The following OR1J2 variants were observed in gnomAD, a reference collection of about 807,000 sequenced individuals.
OR1J2 encodes the protein olfactory receptor 1J2.
For synonymous variants in OR1J2, 142 were observed against 99.7 expected, an observed-to-expected ratio of 1.42 and a Z score of -2.52; for missense variants, 304 against 246.1, an observed-to-expected ratio of 1.24 and a Z score of -1.57.
chr9:122,544,094 T>C, the OR1J2 span, among the ~76,000 whole-genome samples: 1 of 152,206 alleles, frequency 6.6e-6, no homozygotes, highest in East Asian at 1.9e-4. Context: ...AATGTATGCA[T>C]AGATCAAAAC....
chr9:122,458,378 AT>A, the OR1J2 span, among the ~76,000 whole-genome samples: 4 of 152,086 alleles, frequency 2.6e-5, no homozygotes, highest in African/African-American at 9.7e-5. Context: ...ATTTATTTTG[AT>A]GGGTTCAAAA....
the OR1J2 span, among the ~76,000 whole-genome samples, chr9:122,535,268 C>A: frequency 6.6e-6 from 1 of 151,992 alleles, no homozygotes; most frequent in Admixed American, 6.6e-5. Flanking sequence ...GGGGTTCCTG[C>A]CCCTCCCCCA....
chr9:122,526,913 G>A, the OR1J2 span: 29 of 1,614,170 alleles, frequency 1.8e-5, 1 homozygote, highest in South Asian at 3.3e-5. Context: ...AGTAGCAGAG[G>A]GGGTGGCAAA....
chr9:122,476,985 G>C, the OR1J2 span: 1 of 1,544,084 alleles, frequency 6.5e-7, no homozygotes, highest in Middle Eastern at 1.7e-4. Flanking sequence ...TGAGATTACA[G>C]GCATGAGCCA....
the OR1J2 span, chr9:122,526,608 C>T: frequency 1.3e-3 from 2,023 of 1,614,116 alleles, 4 homozygotes; most frequent in Non-Finnish European, 1.4e-3. Context: ...CACCCCACCA[C>T]GGGTTCGGAC....
At chr9:122,552,797 T>TGTGTGTGTGTGTGTGTGTGTGTG in the OR1J2 span, among the ~76,000 whole-genome samples, 2 of 135,296 alleles carry the variant, frequency 1.5e-5, no homozygotes, top group Admixed American at 7.6e-5. Context: ...TGTGTGTGTG[T>TGTGTGTGTGTGTGTGTGTGTGTG]TGGAGGAGGG....
the OR1J2 span, among the ~76,000 whole-genome samples, chr9:122,525,082 C>T: frequency 6.6e-6 from 1 of 152,178 alleles, no homozygotes; most frequent in Admixed American, 6.5e-5. Flanking sequence ...TCCAAGTTTG[C>T]AACCATCTCC....
the OR1J2 span, chr9:122,519,924 C>G: frequency 4.3e-6 from 7 of 1,614,138 alleles, no homozygotes; most frequent in South Asian, 7.7e-5. Flanking sequence ...GTATTTTCTC[C>G]CCTCATCCAG....
the OR1J2 span, among the ~76,000 whole-genome samples, chr9:122,459,512 G>C: frequency 6.6e-6 from 1 of 152,164 alleles, no homozygotes; most frequent in Non-Finnish European, 1.5e-5. Context: ...TCTGAAACCA[G>C]TGAACTCTGT....
the OR1J2 span, among the ~76,000 whole-genome samples, chr9:122,501,971 G>A: frequency 1.3e-5 from 2 of 152,180 alleles, no homozygotes; most frequent in South Asian, 4.2e-4. Flanking sequence ...CCACCCTGCA[G>A]GTGAGTGAGC....
the OR1J2 span, among the ~76,000 whole-genome samples, chr9:122,529,649 C>T: frequency 6.6e-6 from 1 of 152,214 alleles, no homozygotes; most frequent in Non-Finnish European, 1.5e-5. Context: ...TCTCATCCTT[C>T]ATCCTATCTA....
chr9:122,574,698 T>G, the OR1J2 span, among the ~76,000 whole-genome samples: 1 of 152,154 alleles, frequency 6.6e-6, no homozygotes, highest in Non-Finnish European at 1.5e-5. Flanking sequence ...CTTGTCTTAT[T>G]GCATTAGGTA....
At chr9:122,460,446 T>C in the OR1J2 span, among the ~76,000 whole-genome samples, 2 of 152,040 alleles carry the variant, frequency 1.3e-5, no homozygotes, top group African/African-American at 4.8e-5. Context: ...TATTTCTGGG[T>C]TCTCTATTGT....
At chr9:122,478,318 T>C in the OR1J2 span, among the ~76,000 whole-genome samples, 1 of 152,188 alleles carries the variant, frequency 6.6e-6, no homozygotes, top group South Asian at 2.1e-4. Flanking sequence ...GTCACAGCAA[T>C]AGGAAGAGGA....
chr9:122,532,899 CA>C, the OR1J2 span, among the ~76,000 whole-genome samples: 1 of 152,030 alleles, frequency 6.6e-6, no homozygotes, highest in African/African-American at 2.4e-5. Context: ...CGGACACGAT[CA>C]GCAGGGAGAG....
At chr9:122,516,962 A>G in the OR1J2 span, among the ~76,000 whole-genome samples, 2 of 152,198 alleles carry the variant, frequency 1.3e-5, no homozygotes, top group African/African-American at 4.8e-5. Flanking sequence ...GGAGTGGGCA[A>G]TCAGGAGGGA....
chr9:122,558,378 C>A, the OR1J2 span, among the ~76,000 whole-genome samples: 1 of 106,822 alleles, frequency 9.4e-6, no homozygotes, highest in Non-Finnish European at 1.8e-5. Flanking sequence ...TTATCTCTCA[C>A]CTTTTGGATA....
At chr9:122,510,662 C>T (rs756376926), upstream of OR1J2, 72 of 563,206 alleles carry the variant, frequency 1.3e-4, no homozygotes, top group Non-Finnish European at 1.7e-4. Context: ...CACAGACCCC[C>T]GATAGGCCCC....
the OR1J2 span, among the ~76,000 whole-genome samples, chr9:122,484,165 TTTTG>T: frequency 1.3e-5 from 2 of 152,100 alleles, no homozygotes; most frequent in African/African-American, 2.4e-5. Flanking sequence ...TTTGGGGGTT[TTTTG>T]TTTGTTTTTT....
Sources: allele counts gnomAD v4.1 joint callset (sites outside exome capture counted in the v4.1 genomes callset), GRCh38; gene constraint gnomAD v4.1.1; transcripts MANE v1.5; gene names NCBI Gene and HGNC (gene_info 2026-07-23, HGNC 2026-07-21).